HS2ST1: variants seen among roughly 807,000 people sequenced by gnomAD.
HS2ST1 encodes the protein 2-O-sulfotransferase.
In HS2ST1, 18 loss-of-function variants were observed where a neutral mutation model predicts 42.9. The observed-to-expected ratio is 0.42, with a 90% CI of 0.29 to 0.62. HS2ST1 has a LOEUF of 0.62. HS2ST1 is among the 20% of genes least tolerant of loss of function. The pLI is 0.21. For missense variants in HS2ST1, 334 were observed against 433.8 expected (o/e 0.77, Z 2.04); for synonymous variants, 146 against 152.9 (o/e 0.95, Z 0.33).
Position 87,050,985 on chromosome 1 carries a change from A to G in HS2ST1, c.125-21949A>G, listed in dbSNP as rs368761943. Among the ~76,000 whole-genome samples the G allele has an allele frequency of 3.3e-5, 5 of 152,160 alleles. No individual in the cohort carries two copies. The East Asian group carries it at 5.8e-4, about 18-fold the overall frequency. ...GGTTAGTAGAGATCAAATCACCTCA[A>G]ACCTTCACTTTTAACATTATCCTTC... is the stretch of plus-strand genomic sequence containing the variant. On this transcript the variant is annotated intron_variant, in intron 1 of 6. Transcript: ENST00000370550.
At chr1:87,089,902 A>T (rs555208408) in intron 3 of HS2ST1, among the ~76,000 whole-genome samples, 1 of 152,086 alleles carries the variant, frequency 6.6e-6, no homozygotes, top group East Asian at 1.9e-4. Context: ...GTCAGGGACT[A>T]GGGGAAAGGA....
intron 1 of HS2ST1, among the ~76,000 whole-genome samples, chr1:87,044,004 T>C (rs1310938880): frequency 2.0e-5 from 3 of 152,172 alleles, no homozygotes; most frequent in South Asian, 4.1e-4. Flanking sequence ...AATGTTAGGC[T>C]CACAACAAAT....
intron 1 of HS2ST1, among the ~76,000 whole-genome samples, chr1:87,062,939 G>A (rs1197733855): frequency 6.6e-6 from 1 of 152,004 alleles, no homozygotes; most frequent in African/African-American, 2.4e-5. Context: ...GACTTTTTTT[G>A]TCTTTTGTTT....
chr1:86,983,038 C>G (rs375520119), intron 1 of HS2ST1, among the ~76,000 whole-genome samples: 1 of 152,196 alleles, frequency 6.6e-6, no homozygotes. Flanking sequence ...ATATCACAAT[C>G]AGCCTTTTGG....
chr1:87,027,639 C>T (rs1281630995), intron 1 of HS2ST1, among the ~76,000 whole-genome samples: 1 of 152,132 alleles, frequency 6.6e-6, no homozygotes, highest in Admixed American at 6.5e-5. Context: ...AGATTCTCAA[C>T]TGAGAAGGGT....
At chr1:86,957,912 C>T (rs919062230) in intron 1 of HS2ST1, among the ~76,000 whole-genome samples, 19 of 151,726 alleles carry the variant, frequency 1.3e-4, no homozygotes, top group Non-Finnish European at 2.2e-4. Context: ...TCCTGCCTAG[C>T]CTCCTGAGTA....
chr1:86,986,029 AG>A (rs1648774748), intron 1 of HS2ST1, among the ~76,000 whole-genome samples: 1 of 135,646 alleles, frequency 7.4e-6, no homozygotes, highest in African/African-American at 2.7e-5. Context: ...TACACTAATG[AG>A]CTTGGCCTCT....
intron 4 of HS2ST1, among the ~76,000 whole-genome samples, chr1:87,095,042 T>G (rs769277524): frequency 3.7e-4 from 56 of 152,170 alleles, no homozygotes; most frequent in African/African-American, 1.4e-3. Context: ...GTAATTTGGC[T>G]TGTTTCTTAT....
chr1:87,040,444 T>C (rs6696540), intron 1 of HS2ST1, among the ~76,000 whole-genome samples: 111,636 of 151,768 alleles, frequency 0.74, 42,610 homozygotes, highest in East Asian at 0.97. Flanking sequence ...ACCTATATCT[T>C]TAAATGATGC....
At chr1:87,101,149 G>GTGTGTGTTTTT (rs1557546421) in intron 5 of HS2ST1, among the ~76,000 whole-genome samples, 2 of 59,540 alleles carry the variant, frequency 3.4e-5, no homozygotes, top group African/African-American at 1.3e-4. Flanking sequence ...GTGTGTGTGT[G>GTGTGTGTTTTT]TTTTTTGTTT....
intron 5 of HS2ST1, among the ~76,000 whole-genome samples, chr1:87,102,473 C>T (rs1227148604): frequency 6.6e-6 from 1 of 152,136 alleles, no homozygotes; most frequent in Non-Finnish European, 1.5e-5. Flanking sequence ...ATCCAGTTAC[C>T]TCCCACCAAG....
chr1:87,034,554 A>T (rs1431932692), intron 1 of HS2ST1, among the ~76,000 whole-genome samples: 1 of 152,204 alleles, frequency 6.6e-6, no homozygotes, highest in Non-Finnish European at 1.5e-5. Flanking sequence ...TGAAAATGCA[A>T]ATATTGTACT....
At chr1:87,097,667 A>G (rs893285101) in intron 4 of HS2ST1, among the ~76,000 whole-genome samples, 171 bp from the exon 5 acceptor site, 1 of 152,094 alleles carries the variant, frequency 6.6e-6, no homozygotes, top group Non-Finnish European at 1.5e-5. Context: ...GCTGGGATTA[A>G]AGGTGTGAGC....
chr1:87,020,615 C>T (rs1649913933), intron 1 of HS2ST1, among the ~76,000 whole-genome samples: 1 of 152,128 alleles, frequency 6.6e-6, no homozygotes, highest in Admixed American at 6.6e-5. Context: ...GCTTAAACAT[C>T]TGACAGTTTT....
intron 1 of HS2ST1, among the ~76,000 whole-genome samples, chr1:87,054,063 G>T (rs1300246209): frequency 1.3e-5 from 2 of 151,914 alleles, no homozygotes; most frequent in African/African-American, 4.8e-5. Context: ...TTACTACCTG[G>T]ATGTTCCATG....
chr1:87,012,625 C>T (rs1649634083), intron 1 of HS2ST1, among the ~76,000 whole-genome samples: 1 of 152,126 alleles, frequency 6.6e-6, no homozygotes, highest in Admixed American at 6.6e-5. Context: ...AATCTCATGT[C>T]CTCACATTCC....
At chr1:87,015,928 T>C (rs910070146) in intron 1 of HS2ST1, among the ~76,000 whole-genome samples, 1 of 151,680 alleles carries the variant, frequency 6.6e-6, no homozygotes, top group Admixed American at 6.6e-5. Context: ...TCGATTCTCC[T>C]GCCTCAGCCT....
chr1:86,918,096 A>G (rs1660203802), intron 1 of HS2ST1, among the ~76,000 whole-genome samples: 1 of 152,188 alleles, frequency 6.6e-6, no homozygotes, highest in South Asian at 2.1e-4. Context: ...TGGCTTTAAT[A>G]TACCTTGATT....
At chr1:87,058,525 G>A (rs953420123) in intron 1 of HS2ST1, among the ~76,000 whole-genome samples, 2 of 151,262 alleles carry the variant, frequency 1.3e-5, no homozygotes, top group Non-Finnish European at 2.9e-5. Flanking sequence ...AGCTTTTAAC[G>A]TGTGCCTGAA....
Sources: gnomAD v4.1 joint callset for allele counts (sites outside exome capture counted in the v4.1 genomes callset) on GRCh38, gnomAD v4.1.1 for gene constraint, MANE v1.5 for transcripts, NCBI Gene and HGNC (gene_info 2026-07-23, HGNC 2026-07-21) for gene names.